The following KLHL41 variants were observed in gnomAD, a reference collection of about 807,000 sequenced individuals.
KLHL41 encodes the protein kelch like family member 41.
Under a neutral mutation model 49.2 loss-of-function variants are expected in KLHL41, and 31 were observed. The observed-to-expected ratio is 0.63, with a 90% confidence interval of 0.47 to 0.85. The LOEUF is 0.85. Ranked by LOEUF, KLHL41 falls within the 40% of genes least tolerant of loss-of-function variation. The pLI is 0.00. For synonymous variants in KLHL41, 218 were observed against 258.5 expected, an observed-to-expected ratio of 0.84 and a Z score of 1.50; for missense variants, 663 against 726.7, an observed-to-expected ratio of 0.91 and a Z score of 1.01.
At chr2:169,515,781 C>CA (rs1684107577) in intron 3 of KLHL41, among the ~76,000 whole-genome samples, 1 of 152,080 alleles carries the variant, frequency 6.6e-6, no homozygotes. Flanking sequence ...AAAATAAAAA[C>CA]AAAAAATTAA....
chr2:169,510,174 T>C lies in KLHL41; in HGVS notation c.396T>C (p.Pro132=). ...CTTATCTTCAGAAAAGACTTGCTCCTGGTAACTGTCTAGCCATCCTAAGAT... is the reference window on the plus strand; with the variant it reads ...CTTATCTTCAGAAAAGACTTGCTCCCGGTAACTGTCTAGCCATCCTAAGAT... ...CVSYLQKRLA[P]GNCLAILRLG... The change falls in exon 1 of 6, where the codon CCT becomes CCC. Residue 132 remains proline, a synonymous_variant. Transcript: ENST00000284669. This position sits in a 1 kb window ranked among gnomAD's most constrained non-coding sequence, Gnocchi z 4.2. 1 of 1,614,178 alleles carries C rather than the reference T, an allele frequency of 6.2e-7. No individual in the cohort carries two copies. Among genetic ancestry groups the C allele is most frequent in the Non-Finnish European group, 8.5e-7 (1 of 1,180,038 alleles).
In KLHL41 at chr2:169,520,900, C is replaced by T. The variant is rs748005003; in HGVS notation, c.1602C>T (p.Ser534=). The T allele has an allele frequency of 6.2e-7, 1 of 1,613,442 alleles. No homozygotes were observed. The highest frequency in any genetic ancestry group is 1.1e-5 in the South Asian group (1 of 91,044). The change falls in exon 5 of 6, where the codon TCC becomes TCT. Residue 534 remains serine, a synonymous_variant. Coordinates refer to ENST00000284669, the MANE Select transcript of KLHL41 (RefSeq NM_006063.3). The stretch of plus-strand genomic sequence containing the variant: ...CCGAATTTCCCCAAGAAAGAAGCTC[C>T]ATCAGTTTGGTCAGCCTGGCTGGAT... The part of the protein sequence containing the change: ...VMTEFPQERS[S]ISLVSLAGSL...
intron 1 of KLHL41, among the ~76,000 whole-genome samples, chr2:169,513,505 C>G (rs1042576885): frequency 2.0e-5 from 3 of 152,166 alleles, no homozygotes; most frequent in Admixed American, 6.5e-5. Context: ...GAATGCAAAG[C>G]TAAGAATGCA....
At position 169,510,496 on chromosome 2, in the gene KLHL41, G is replaced by T; in HGVS notation, c.718G>T (p.Asp240Tyr). The stretch of plus-strand genomic sequence containing the variant: ...TTTTAAGGATCATGTTGAGAAAGAT[G>T]ATATAATTAAAAGCAACCCAGACCT... ...KYFKDHVEKD[D>Y]IIKSNPDLQK... Residue 240 changes from aspartate (D) to tyrosine (Y), a missense_variant, in exon 1 of 6, where the codon GAT becomes TAT. Physicochemically the swap from Asp to Tyr is radical, Grantham distance 160. Around this residue, in one of 3 missense-constraint regions of KLHL41, gnomAD observed 528 missense variants for 581.0 expected, o/e 0.91. Coordinates refer to ENST00000284669, the MANE Select transcript of KLHL41 (RefSeq NM_006063.3). This position sits in a 1 kb window ranked among gnomAD's most constrained non-coding sequence, Gnocchi z 4.2. 6.2e-7 allele frequency: 1 copy of T among 1,613,818 alleles called. No individual in the cohort carries two copies. Among genetic ancestry groups the T allele is most frequent in the Non-Finnish European group, 8.5e-7 (1 of 1,179,944 alleles).
chr2:169,517,305 T>TA (rs1684131916), intron 3 of KLHL41, among the ~76,000 whole-genome samples: 1 of 151,936 alleles, frequency 6.6e-6, no homozygotes, highest in Non-Finnish European at 1.5e-5. Context: ...CAAGGAACCA[T>TA]AAAAAACATA....
At chr2:169,511,277 T>C (rs1684026425) in intron 1 of KLHL41, among the ~76,000 whole-genome samples, 1 of 152,196 alleles carries the variant, frequency 6.6e-6, no homozygotes, top group South Asian at 2.1e-4. Flanking sequence ...CTCGAACTCC[T>C]GGGCTCAAGC....
At chr2:169,519,574 G>A (rs1401376754) in intron 4 of KLHL41, among the ~76,000 whole-genome samples, 2 of 151,352 alleles carry the variant, frequency 1.3e-5, no homozygotes, top group Non-Finnish European at 2.9e-5. Context: ...TGTTGCTTGT[G>A]ATTATGTCTG....
At chr2:169,523,468 G>C (rs1199843200) in intron 5 of KLHL41, among the ~76,000 whole-genome samples, 1 of 152,180 alleles carries the variant, frequency 6.6e-6, no homozygotes, top group Admixed American at 6.5e-5. Flanking sequence ...AAAGAGAAGA[G>C]GGGGGCATTC....
In KLHL41 at chr2:169,510,319, T is replaced by C; in HGVS notation, c.541T>C (p.Ser181Pro). Residue 181 changes from serine (S) to proline (P), a missense_variant, in exon 1 of 6, where the codon TCA becomes CCA. Physicochemically the swap from Ser to Pro is moderately conservative, Grantham distance 74. This residue lies in a region of KLHL41 where 528 missense variants were observed against 581.0 expected (regional missense o/e 0.91). Transcript: ENST00000284669. This position sits in a 1 kb window ranked among gnomAD's most constrained non-coding sequence, Gnocchi z 4.2. ...FMQLSPQELI[S>P]VISNDSLNVE... Reference sequence around the variant, plus strand: ...GCAACTGTCTCCACAGGAACTGATCTCAGTCATTTCAAATGACAGCCTAAA... The same window carrying C: ...GCAACTGTCTCCACAGGAACTGATCCCAGTCATTTCAAATGACAGCCTAAA... The C allele has an allele frequency of 6.2e-7, 1 of 1,614,010 alleles. No individual in the cohort carries two copies. The highest frequency in any genetic ancestry group is 8.5e-7 in the Non-Finnish European group (1 of 1,179,932).
chr2:169,512,705 C>T (rs906786115), intron 1 of KLHL41, among the ~76,000 whole-genome samples: 5 of 152,010 alleles, frequency 3.3e-5, no homozygotes, highest in Non-Finnish European at 5.9e-5. Flanking sequence ...ACTAATAGAA[C>T]GGTATGCCAG....
chr2:169,517,036 G>A (rs1237042510), intron 3 of KLHL41, among the ~76,000 whole-genome samples: 2 of 152,004 alleles, frequency 1.3e-5, no homozygotes, highest in East Asian at 1.9e-4. Flanking sequence ...ATAAATAAAA[G>A]TAAGTGCTGA....
intron 4 of KLHL41, among the ~76,000 whole-genome samples, chr2:169,518,836 ATTTTTG>A (rs1199357911): frequency 1.7e-4 from 26 of 152,026 alleles, no homozygotes; most frequent in Admixed American, 8.5e-4. Flanking sequence ...TGCCCAGCTA[ATTTTTG>A]TTTTTGTTTT....
At chr2:169,519,955 G>C (rs1337551994) in intron 4 of KLHL41, among the ~76,000 whole-genome samples, 1 of 151,914 alleles carries the variant, frequency 6.6e-6, no homozygotes. Context: ...ATATTTTCTA[G>C]TAGCAAACTT....
Position 169,510,946 on chromosome 2 carries a change from C to A in KLHL41, c.1110+58C>A, listed in dbSNP as rs1684022312. 2.1e-6 allele frequency: 3 copies of A among 1,412,238 alleles called. No homozygotes were observed. Among genetic ancestry groups the A allele is most frequent in the Middle Eastern group, 3.6e-4 (2 of 5,490 alleles). The allele number at this position is 1,412,238 out of a possible 1,614,324, so 87.5% of individuals were successfully genotyped here. On this transcript the variant is annotated intron_variant, in intron 1 of 5. Coordinates refer to ENST00000284669, the MANE Select transcript of KLHL41 (RefSeq NM_006063.3). The surrounding 1 kb of genome is among the most constrained non-coding windows in gnomAD (Gnocchi z 4.2). ...AAAGGGAAGGCTGTTACTCACCATC[C>A]AGTTAGCCAATTTGTGAATTATTCA...
Position 169,509,822 on chromosome 2 carries a change from A to G in KLHL41, c.44A>G (p.Gln15Arg). 1 of 1,613,688 alleles carries G rather than the reference A, an allele frequency of 6.2e-7. No individual in the cohort carries two copies. Among genetic ancestry groups the G allele is most frequent in the Non-Finnish European group, 8.5e-7 (1 of 1,179,978 alleles). Residue 15 changes from glutamine to arginine, a missense_variant, in exon 1 of 6, where the codon CAA becomes CGA. By Grantham distance (43) the Gln-to-Arg change is conservative. Around this residue, in one of 3 missense-constraint regions of KLHL41, gnomAD observed 129 missense variants for 122.1 expected, o/e 1.06. Coordinates refer to ENST00000284669, the MANE Select transcript of KLHL41 (RefSeq NM_006063.3). ...CTTGCAGAGGAACTGCGGCTTTACC[A>G]ATCCACCCTTCTTCAGGATGGTCTA... ...RELAEELRLY[Q>R]STLLQDGLKD...
chr2:169,519,965 T>TA (rs1025526205), intron 4 of KLHL41, among the ~76,000 whole-genome samples: 3 of 152,084 alleles, frequency 2.0e-5, no homozygotes, highest in Non-Finnish European at 4.4e-5. Context: ...GTAGCAAACT[T>TA]AGTCATTTAC....
At chr2:169,518,949 G>C (rs1168673044) in intron 4 of KLHL41, among the ~76,000 whole-genome samples, 1 of 152,026 alleles carries the variant, frequency 6.6e-6, no homozygotes. Flanking sequence ...CAAAGTGCTA[G>C]GATTATAGGT....
intron 5 of KLHL41, among the ~76,000 whole-genome samples, chr2:169,523,924 A>G (rs1198263206): frequency 1.3e-5 from 2 of 151,970 alleles, no homozygotes; most frequent in African/African-American, 2.4e-5. Flanking sequence ...ATTTGCCCTC[A>G]ATTTCCTAGT....
intron 3 of KLHL41, among the ~76,000 whole-genome samples, chr2:169,515,190 C>T (rs765654711): frequency 4.6e-5 from 7 of 151,932 alleles, no homozygotes; most frequent in African/African-American, 1.5e-4. Context: ...TGCTCCACCA[C>T]GCCTGGCTAA....
Sources: allele counts gnomAD v4.1 joint callset (sites outside exome capture counted in the v4.1 genomes callset), GRCh38; gene constraint gnomAD v4.1.1; regional missense constraint gnomAD v4.1.1; non-coding constraint Gnocchi (gnomAD v3.1); transcripts MANE v1.5; gene names NCBI Gene and HGNC (gene_info 2026-07-23, HGNC 2026-07-21).